The following RMST variants were observed in gnomAD, a reference collection of about 807,000 sequenced individuals.
RMST encodes the protein rhabdomyosarcoma 2 associated transcript.
chr12:97,472,805 A>G (rs1312372519), intron 5 of RMST, among the ~76,000 whole-genome samples: 2 of 152,126 alleles, frequency 1.3e-5, no homozygotes, highest in African/African-American at 4.8e-5. Context: ...TTTTAGACTA[A>G]AATGGTTTTG....
intron 5 of RMST, among the ~76,000 whole-genome samples, chr12:97,489,653 G>C (rs146499627): frequency 6.6e-6 from 1 of 152,100 alleles, no homozygotes; most frequent in Admixed American, 6.6e-5. Context: ...CCTGTGAGAA[G>C]AACCAATTTT....
At chr12:97,541,724 AAAAAAGAAAAAG>A (rs911368652) in intron 11 of RMST, among the ~76,000 whole-genome samples, 1 of 144,876 alleles carries the variant, frequency 6.9e-6, no homozygotes, top group Non-Finnish European at 1.6e-5. Flanking sequence ...CAGATTTAAA[AAAAAAGAAAAAG>A]AAAAAGAAAA....
At chr12:97,502,712 C>T (rs1878216382) in intron 10 of RMST, among the ~76,000 whole-genome samples, 1 of 152,174 alleles carries the variant, frequency 6.6e-6, no homozygotes, top group Non-Finnish European at 1.5e-5. Flanking sequence ...GATCCACCCA[C>T]CTCAGCCTCC....
At chr12:97,562,382 T>C (rs1667068398) in intron 13 of RMST, among the ~76,000 whole-genome samples, 1 of 152,048 alleles carries the variant, frequency 6.6e-6, no homozygotes, top group Non-Finnish European at 1.5e-5. Flanking sequence ...ATTCTTCTAG[T>C]GTATTTTCAA....
intron 10 of RMST, among the ~76,000 whole-genome samples, chr12:97,515,376 TAAG>T (rs1264358178): frequency 6.6e-6 from 1 of 151,832 alleles, no homozygotes; most frequent in Non-Finnish European, 1.5e-5. Flanking sequence ...AGAATAGAAA[TAAG>T]AAAAAAGGGA....
chr12:97,494,136 T>TA (rs1201225105), intron 8 of RMST: 2 of 152,232 alleles, frequency 1.3e-5, no homozygotes, highest in Admixed American at 1.3e-4. Flanking sequence ...CAATTCAAGT[T>TA]ACGCATACAT....
chr12:97,474,987 A>G (rs755869974), intron 5 of RMST, among the ~76,000 whole-genome samples: 5 of 152,184 alleles, frequency 3.3e-5, no homozygotes, highest in Non-Finnish European at 5.9e-5. Context: ...CTTTTCCCCA[A>G]TAAAGTAGCC....
intron 5 of RMST, among the ~76,000 whole-genome samples, chr12:97,483,176 C>G (rs1875637615): frequency 6.6e-6 from 1 of 152,088 alleles, no homozygotes; most frequent in African/African-American, 2.4e-5. Flanking sequence ...ATTAGTTGCA[C>G]TAATAAAGGG....
At chr12:97,490,525 G>A (rs1416385210) in intron 5 of RMST, among the ~76,000 whole-genome samples, 1 of 152,102 alleles carries the variant, frequency 6.6e-6, no homozygotes, top group Non-Finnish European at 1.5e-5. Flanking sequence ...AAGCATTTAG[G>A]ACAGTGCCTG....
chr12:97,560,687 A>G (rs1197493756), exon 12 of RMST: 1 of 152,198 alleles, frequency 6.6e-6, no homozygotes, highest in Non-Finnish European at 1.5e-5. Flanking sequence ...AAGCCTACCT[A>G]TTCTTTCCAA....
At chr12:97,523,581 T>C (rs1427108814) in intron 10 of RMST, among the ~76,000 whole-genome samples, 1 of 152,214 alleles carries the variant, frequency 6.6e-6, no homozygotes, top group Non-Finnish European at 1.5e-5. Context: ...CACACTGTAC[T>C]CCATGATAGT....
intron 10 of RMST, among the ~76,000 whole-genome samples, chr12:97,498,082 C>G (rs1278982571): frequency 6.6e-6 from 1 of 152,114 alleles, no homozygotes; most frequent in African/African-American, 2.4e-5. Flanking sequence ...ACAAGGACTC[C>G]TTGGGTCTAG....
chr12:97,467,302 G>A (rs909396863), intron 5 of RMST, among the ~76,000 whole-genome samples: 2 of 151,812 alleles, frequency 1.3e-5, no homozygotes, highest in African/African-American at 2.4e-5. Flanking sequence ...TAATCACATA[G>A]CTTTTAAAGA....
At chr12:97,504,567 A>G (rs1339226638) in intron 10 of RMST, among the ~76,000 whole-genome samples, 1 of 152,144 alleles carries the variant, frequency 6.6e-6, no homozygotes, top group Non-Finnish European at 1.5e-5. Context: ...TAGCTCAATG[A>G]TCTACATGTG....
At chr12:97,504,169 C>T (rs1326747036) in intron 10 of RMST, among the ~76,000 whole-genome samples, 3 of 152,062 alleles carry the variant, frequency 2.0e-5, no homozygotes, top group Non-Finnish European at 4.4e-5. Flanking sequence ...TCTGGGAGGC[C>T]GAGACAGGCA....
At chr12:97,527,045 T>A (rs771363224) in intron 10 of RMST, among the ~76,000 whole-genome samples, 30 of 152,174 alleles carry the variant, frequency 2.0e-4, no homozygotes, top group Non-Finnish European at 3.5e-4. Context: ...GTCTGACTCT[T>A]GTGACTCACG....
chr12:97,562,691 G>C (rs992491623), intron 13 of RMST, among the ~76,000 whole-genome samples: 2 of 152,192 alleles, frequency 1.3e-5, no homozygotes, highest in Non-Finnish European at 2.9e-5. Flanking sequence ...ATATAAACTA[G>C]AGTTTCAGAT....
At chr12:97,463,557 C>A (rs529064005) in intron 4 of RMST, among the ~76,000 whole-genome samples, 2 of 152,240 alleles carry the variant, frequency 1.3e-5, no homozygotes, top group East Asian at 1.9e-4. Context: ...GAAAAAAATT[C>A]TGTTTGATGA....
intron 13 of RMST, among the ~76,000 whole-genome samples, chr12:97,562,576 C>A (rs916305032): frequency 6.6e-6 from 1 of 152,070 alleles, no homozygotes; most frequent in South Asian, 2.1e-4. Context: ...TAAAACATAT[C>A]ATTTAACCCT....
Sources: gnomAD v4.1 joint callset for allele counts (sites outside exome capture counted in the v4.1 genomes callset) on GRCh38, gnomAD v4.1.1 for gene constraint, MANE v1.5 for transcripts, NCBI Gene and HGNC (gene_info 2026-07-23, HGNC 2026-07-21) for gene names.